The following ZFHX3 variants were observed in gnomAD, a reference collection of about 807,000 sequenced individuals.
The protein encoded by ZFHX3 is zinc finger homeobox protein 3.
In ZFHX3, 42 loss-of-function variants were observed where a neutral mutation model predicts 279.1. The observed-to-expected ratio is 0.15, with a 90% CI of 0.12 to 0.19. ZFHX3 has a LOEUF of 0.19. Ranked by LOEUF, ZFHX3 falls within the 10% of genes least tolerant of loss-of-function variation. The pLI, the probability that ZFHX3 is intolerant of heterozygous loss-of-function variation, is 1.00. For synonymous variants in ZFHX3, 2,293 were observed against 1,957.8 expected (o/e 1.17, Z -4.52); for missense variants, 4,981 against 4,754.0 (o/e 1.05, Z -1.40).
intron 2 of ZFHX3, among the ~76,000 whole-genome samples, chr16:73,639,400 A>T (rs1369657419): frequency 6.6e-6 from 1 of 152,222 alleles, no homozygotes; most frequent in Non-Finnish European, 1.5e-5. Context: ...TTCCAAACCA[A>T]GAATCTCTAA....
intron 7 of ZFHX3, among the ~76,000 whole-genome samples, chr16:72,803,711 G>A (rs545714864): frequency 2.0e-5 from 3 of 152,072 alleles, no homozygotes; most frequent in South Asian, 2.1e-4. Context: ...TGATTATTCC[G>A]ATAATCCATA....
intron 1 of ZFHX3, among the ~76,000 whole-genome samples, chr16:73,693,613 A>C (rs1429628308): frequency 1.3e-5 from 2 of 152,176 alleles, no homozygotes; most frequent in Non-Finnish European, 2.9e-5. Context: ...CACGGGAACG[A>C]GAGAAAAGAA....
At chr16:73,679,366 G>A (rs932297262) in intron 2 of ZFHX3, 7 of 152,110 alleles carry the variant, frequency 4.6e-5, no homozygotes, top group African/African-American at 1.7e-4. Flanking sequence ...TGAGAAAGAT[G>A]TTTTTGCTAG....
chr16:73,004,654 G>A (rs1176056635), intron 1 of ZFHX3, among the ~76,000 whole-genome samples: 2 of 151,986 alleles, frequency 1.3e-5, no homozygotes, highest in Non-Finnish European at 2.9e-5. Flanking sequence ...TAAGGATTTA[G>A]GACACACTGT....
intron 4 of ZFHX3, among the ~76,000 whole-genome samples, chr16:72,882,401 T>C (rs1360752538): frequency 6.6e-6 from 1 of 152,120 alleles, no homozygotes; most frequent in Non-Finnish European, 1.5e-5. Context: ...AAAACCCTGG[T>C]AGCTTCATCA....
intron 5 of ZFHX3, among the ~76,000 whole-genome samples, chr16:73,148,680 C>G (rs1966880583): frequency 1.4e-5 from 2 of 148,132 alleles, no homozygotes; most frequent in African/African-American, 5.0e-5. Flanking sequence ...GGCATGGTGG[C>G]TCACGTCTAT....
At chr16:73,011,037 A>C (rs1013263603) in intron 1 of ZFHX3, among the ~76,000 whole-genome samples, 3 of 152,150 alleles carry the variant, frequency 2.0e-5, no homozygotes. Flanking sequence ...ACTGGAGTAC[A>C]GTGGCGTGAT....
chr16:72,960,938 C>T (rs1567607942), intron 1 of ZFHX3, among the ~76,000 whole-genome samples: 1 of 152,122 alleles, frequency 6.6e-6, no homozygotes, highest in Non-Finnish European at 1.5e-5. Context: ...GCTAATCTCA[C>T]CACCATGAAA....
chr16:73,248,180 G>A (rs188110197), intron 5 of ZFHX3, among the ~76,000 whole-genome samples: 23 of 150,758 alleles, frequency 1.5e-4, no homozygotes, highest in Admixed American at 5.3e-4. Flanking sequence ...GTGTGTGTGC[G>A]TACTGTGTAT....
At chr16:73,586,736 A>T (rs1212989715) in intron 2 of ZFHX3, among the ~76,000 whole-genome samples, 4 of 152,204 alleles carry the variant, frequency 2.6e-5, no homozygotes, top group Admixed American at 2.6e-4. Flanking sequence ...AAGATCAACA[A>T]ATATATGGAG....
chr16:73,166,944 GACACA>G (rs1431914059), intron 5 of ZFHX3, among the ~76,000 whole-genome samples: 2 of 152,076 alleles, frequency 1.3e-5, no homozygotes, highest in Non-Finnish European at 2.9e-5. Context: ...AACACAACAC[GACACA>G]ACACAACACA....
rs751892614 is a variant in ZFHX3 at position 72,798,291 on chromosome 16, T to C, written c.4391A>G (p.Tyr1464Cys). The C allele has an allele frequency of 1.9e-6, 3 of 1,614,178 alleles. No individual in the cohort carries two copies. In the South Asian group the frequency reaches 3.3e-5, roughly 18 times the overall value. ...GTCCCCATTGGCCAGCAGGCCACCA[T>C]AAAGCTGTTGGATGTCAGCCTCACT... Reference protein sequence around the residue: ...ELSEADIQQLYGGLLANGDLL... With the variant: ...ELSEADIQQLCGGLLANGDLL... Residue 1464 changes from tyrosine (Y) to cysteine (C), a missense_variant, in exon 9 of 10, where the codon TAT becomes TGT. By Grantham distance (194) the Tyr-to-Cys change is radical (BLOSUM62 -2). Transcript: ENST00000268489.
intron 2 of ZFHX3, among the ~76,000 whole-genome samples, chr16:73,530,691 T>C (rs1273186282): frequency 6.6e-6 from 1 of 152,204 alleles, no homozygotes; most frequent in African/African-American, 2.4e-5. Flanking sequence ...GAAAAGCTCA[T>C]TACACCTTCT....
At position 73,615,166 on chromosome 16, in the gene ZFHX3, C is replaced by T. The variant is rs867262959; in HGVS notation, c.-1547+65014G>A. ...TAAAGAAAAAAAAAAAAAAGCTTGA[C>T]ACAATGAGGGGCCCCGGGCAGGAGT... On this transcript the variant is annotated intron_variant, in intron 2 of 17. Coordinates refer to the ZFHX3 transcript ENST00000641206. Among the ~76,000 whole-genome samples the T allele has an allele frequency of 8.0e-5, 12 of 149,692 alleles. No homozygotes were observed. The Middle Eastern group carries it at 0.01, about 131-fold the overall frequency.
Position 72,926,262 on chromosome 16 carries a change from A to G in ZFHX3, c.3216+24207T>C, listed in dbSNP as rs114677403. Among the ~76,000 whole-genome samples the G allele has an allele frequency of 3.5e-3, 539 of 152,346 alleles. 2 individuals carry two copies. The highest frequency in any genetic ancestry group is 0.013 in the African/African-American group (526 of 41,570). On this transcript the variant is annotated intron_variant, in intron 3 of 9. Transcript: ENST00000268489. The stretch of plus-strand genomic sequence containing the variant: ...ATATAATTGCCCATAGTAACCAACT[A>G]AACAGTTCCCCTAAGCAATGTGTAT...
At chr16:73,445,319 T>C (rs13380648) in intron 3 of ZFHX3, among the ~76,000 whole-genome samples, 16,622 of 151,900 alleles carry the variant, frequency 0.11, 1,269 homozygotes, top group East Asian at 0.25. Context: ...TGTGTGTATA[T>C]GTATGGGGGG....
intron 2 of ZFHX3, among the ~76,000 whole-genome samples, chr16:73,616,797 A>T (rs978108034): frequency 1.3e-5 from 2 of 152,188 alleles, no homozygotes; most frequent in Admixed American, 1.3e-4. Flanking sequence ...TTTAAACAAC[A>T]TGAGGCCTGA....
intron 7 of ZFHX3, among the ~76,000 whole-genome samples, chr16:73,111,237 G>A (rs1597160634): frequency 6.6e-6 from 1 of 152,228 alleles, no homozygotes; most frequent in Non-Finnish European, 1.5e-5. Context: ...CACTGCACCC[G>A]GCCAGCATTT....
chr16:73,266,772 G>A (rs374530790), intron 4 of ZFHX3, among the ~76,000 whole-genome samples: 9 of 152,330 alleles, frequency 5.9e-5, no homozygotes, highest in African/African-American at 1.9e-4. Flanking sequence ...TTTTATAAGC[G>A]GGAGTTTCCT....
Sources: allele counts gnomAD v4.1 joint callset (sites outside exome capture counted in the v4.1 genomes callset), GRCh38; gene constraint gnomAD v4.1.1; transcripts MANE v1.5; gene names NCBI Gene and HGNC (gene_info 2026-07-23, HGNC 2026-07-21).